NDNF: variants seen among roughly 807,000 people sequenced by gnomAD.
The protein encoded by NDNF is neuron derived neurotrophic factor.
Under a neutral mutation model 42.0 loss-of-function variants are expected in NDNF, and 16 were observed. That is an observed-to-expected ratio of 0.38 (90% confidence interval 0.26 to 0.58). The LOEUF is 0.58. Ranked by LOEUF, NDNF falls within the 20% of genes least tolerant of loss-of-function variation. The pLI is 0.67. For synonymous variants in NDNF, 248 were observed against 251.7 expected (o/e 0.99, Z 0.14); for missense variants, 616 against 666.2 (o/e 0.92, Z 0.83).
At chr4:121,070,433 C>T (rs923337987) in intron 1 of NDNF, among the ~76,000 whole-genome samples, 2 of 152,106 alleles carry the variant, frequency 1.3e-5, no homozygotes, top group South Asian at 4.1e-4. Flanking sequence ...GAGAATGGAG[C>T]GGAGTCCTAT....
intron 1 of NDNF, among the ~76,000 whole-genome samples, chr4:121,065,413 C>T (rs899025653): frequency 5.3e-5 from 8 of 151,206 alleles, no homozygotes; most frequent in African/African-American, 1.9e-4. Context: ...CTGTTCAGTA[C>T]GATTTTAGAG....
At position 121,040,046 on chromosome 4, in the gene NDNF, A is replaced by G. The variant is rs986987347; in HGVS notation, c.197T>C (p.Phe66Ser). 1 of 1,613,328 alleles carries G rather than the reference A, an allele frequency of 6.2e-7. No homozygotes were observed. The highest frequency in any genetic ancestry group is 8.5e-7 in the Non-Finnish European group (1 of 1,179,688). ...TGGAGTATTGTCTTCTTCAACCACA[A>G]AGAAATACCTGTGGGAAAGTGGACC... ...LFRDTPKRYF[F>S]VVEEDNTPLS... The change falls in exon 3 of 4, where the codon TTT (phenylalanine) becomes TCT (serine). Residue 66 changes from phenylalanine (F) to serine (S), a missense_variant. Phe to Ser is a radical substitution (Grantham distance 155, BLOSUM62 -2). Coordinates refer to ENST00000379692, the MANE Select transcript of NDNF (RefSeq NM_024574.4).
At chr4:121,049,641 T>C (rs912278537) in intron 1 of NDNF, among the ~76,000 whole-genome samples, 1 of 152,226 alleles carries the variant, frequency 6.6e-6, no homozygotes, top group African/African-American at 2.4e-5. Flanking sequence ...TCTTTGACAC[T>C]AAGCTTCTAT....
chr4:121,039,157 G>GTATATATATACGTA (rs1560603097), intron 3 of NDNF, among the ~76,000 whole-genome samples: 224 of 6,434 alleles, frequency 0.035, 10 homozygotes, highest in Middle Eastern at 0.17. Flanking sequence ...ATATATATAT[G>GTATATATATACGTA]TATATATATA....
chr4:121,057,661 G>T (rs538772068), intron 1 of NDNF, among the ~76,000 whole-genome samples: 1 of 152,342 alleles, frequency 6.6e-6, no homozygotes, highest in African/African-American at 2.4e-5. Flanking sequence ...GGAGCTTGGA[G>T]CTCAGCAACA....
intron 1 of NDNF, among the ~76,000 whole-genome samples, chr4:121,064,832 T>C (rs1378316233): frequency 6.6e-6 from 1 of 152,232 alleles, no homozygotes; most frequent in Non-Finnish European, 1.5e-5. Context: ...ATGAGTATCA[T>C]AGACAATTAC....
intron 1 of NDNF, among the ~76,000 whole-genome samples, chr4:121,048,625 G>T (rs148512051): frequency 0.025 from 3,769 of 152,304 alleles, 78 homozygotes; most frequent in East Asian, 0.059. Flanking sequence ...GGATCACGAG[G>T]TCAGGAGTTT....
intron 1 of NDNF, among the ~76,000 whole-genome samples, chr4:121,058,040 G>T (rs1166274010): frequency 6.6e-6 from 1 of 151,942 alleles, no homozygotes; most frequent in Non-Finnish European, 1.5e-5. Flanking sequence ...TATTTTTCTT[G>T]TCCTTATAAA....
chr4:121,049,471 G>T (rs1198665724), intron 1 of NDNF, among the ~76,000 whole-genome samples: 1 of 152,156 alleles, frequency 6.6e-6, no homozygotes, highest in African/African-American at 2.4e-5. Flanking sequence ...GGAGCCAGTG[G>T]AAGAAAATAA....
chr4:121,057,285 T>A (rs2148769509), intron 1 of NDNF, among the ~76,000 whole-genome samples: 1 of 152,198 alleles, frequency 6.6e-6, no homozygotes, highest in East Asian at 1.9e-4. Context: ...AGGGCTCACG[T>A]GAAGAGTAAG....
intron 3 of NDNF, among the ~76,000 whole-genome samples, chr4:121,039,144 T>TATATATATACATATAAAGAC (rs70948374): frequency 3.9e-4 from 9 of 22,800 alleles, no homozygotes; most frequent in East Asian, 4.3e-3. Flanking sequence ...TATATATATG[T>TATATATATACATATAAAGAC]GTATATATAT....
In NDNF at chr4:121,072,050, G is replaced by T. The variant is rs966736063; in HGVS notation, c.-59C>A. The T allele has an allele frequency of 6.6e-6, 1 of 152,296 alleles. No homozygotes were observed. Among genetic ancestry groups the T allele is most frequent in the Non-Finnish European group, 1.5e-5 (1 of 68,152 alleles). The allele number at this position is 152,296 out of a possible 1,614,324, so 9.4% of individuals were successfully genotyped here. A position where few individuals can be genotyped will look rare whatever the true frequency, so the allele number is the denominator to read the frequency against. On this transcript the variant is annotated 5_prime_UTR_variant, in exon 1 of 4. Coordinates refer to ENST00000379692, the MANE Select transcript of NDNF (RefSeq NM_024574.4). The stretch of plus-strand genomic sequence containing the variant: ...GAAAAAAATCCCTCCCCGTGGTGTG[G>T]TGTGCGAAATAGTCCACGTCCCCGG...
rs1560603174 is a variant in NDNF at position 121,039,180 on chromosome 4, GTGTGTGTGTGTGTATATA to G, written c.313+732_313+749del. On this transcript the variant is annotated intron_variant, in intron 3 of 3. Coordinates refer to ENST00000379692, the MANE Select transcript of NDNF (RefSeq NM_024574.4). ...ATGTATATATATATATAAAGACTAT[GTGTGTGTGTGTGTATATA>G]TATATATATATATATATATATATAT... is the stretch of plus-strand genomic sequence containing the variant. Among the ~76,000 whole-genome samples, 45 of 7,756 alleles carry G rather than the reference GTGTGTGTGTGTGTATATA, an allele frequency of 5.8e-3. 1 individual carries two copies. The highest frequency in any genetic ancestry group is 0.014 in the Admixed American group (6 of 436). The allele number at this position is 7,756 out of a possible 152,430, so 5.1% of individuals were successfully genotyped here.
intron 1 of NDNF, among the ~76,000 whole-genome samples, chr4:121,068,022 C>G (rs1285172453): frequency 5.3e-5 from 8 of 152,126 alleles, no homozygotes; most frequent in Admixed American, 5.2e-4. Flanking sequence ...TACACACAGC[C>G]AAGCAAACAG....
At chr4:121,037,684 T>C in intron 3 of NDNF, 27 bp from the exon 4 acceptor site, 1 of 1,541,770 alleles carries the variant, frequency 6.5e-7, no homozygotes, top group Non-Finnish European at 8.7e-7. Flanking sequence ...AAGCACAGGC[T>C]ACTGTCAGGG....
At chr4:121,064,352 T>C (rs1727464660) in intron 1 of NDNF, among the ~76,000 whole-genome samples, 1 of 152,206 alleles carries the variant, frequency 6.6e-6, no homozygotes, top group African/African-American at 2.4e-5. Flanking sequence ...GAATCATTTC[T>C]GCTTCCATTG....
In NDNF at chr4:121,037,175, G is replaced by C; in HGVS notation, c.796C>G (p.Arg266Gly). Reference sequence around the variant, plus strand: ...GGAGAAGGCTTTGCCTGGAAACTGCGTTCTTTACCTGAATTATCAGAAGGA... The same window carrying C: ...GGAGAAGGCTTTGCCTGGAAACTGCCTTCTTTACCTGAATTATCAGAAGGA... ...GFPSDNSGKE[R>G]SFQAKPSPKL... Residue 266 changes from arginine (R) to glycine (G), a missense_variant, in exon 4 of 4, where the codon CGC becomes GGC. Physicochemically the swap from Arg to Gly is moderately radical, Grantham distance 125. Coordinates refer to ENST00000379692, the MANE Select transcript of NDNF (RefSeq NM_024574.4). 1.2e-6 allele frequency: 2 copies of C among 1,614,004 alleles called. No homozygotes were observed. Among genetic ancestry groups the C allele is most frequent in the Non-Finnish European group, 1.7e-6 (2 of 1,180,006 alleles).
In NDNF at chr4:121,036,636, G is replaced by A; in HGVS notation, c.1335C>T (p.Pro445=). 1 of 1,614,166 alleles carries A rather than the reference G, an allele frequency of 6.2e-7. No homozygotes were observed. Among genetic ancestry groups the A allele is most frequent in the Non-Finnish European group, 8.5e-7 (1 of 1,180,010 alleles). The change falls in exon 4 of 4, where the codon CCC becomes CCT. Residue 445 remains proline, a synonymous_variant. Coordinates refer to ENST00000379692, the MANE Select transcript of NDNF (RefSeq NM_024574.4). ...ATTRPTKQSF[P]SLPEDTRIKA... ...TGATTCTTGTGTCTTCAGGAAGAGA[G>A]GGAAATGACTGCTTAGTAGGCCTTG...
chr4:121,066,516 CACA>C (rs1727501866), intron 1 of NDNF, among the ~76,000 whole-genome samples: 1 of 152,072 alleles, frequency 6.6e-6, no homozygotes, highest in South Asian at 2.1e-4. Context: ...AAGTAAGTAC[CACA>C]ACACTACCCC....
Sources: gnomAD v4.1 joint callset for allele counts (sites outside exome capture counted in the v4.1 genomes callset) on GRCh38, gnomAD v4.1.1 for gene constraint, MANE v1.5 for transcripts, NCBI Gene and HGNC (gene_info 2026-07-23, HGNC 2026-07-21) for gene names.